Variants in SYAP1 observed in about 807,000 individuals in gnomAD.
The protein encoded by SYAP1 is synapse-associated protein 1.
In SYAP1, 3 loss-of-function variants were observed where a neutral mutation model predicts 29.6. The observed-to-expected ratio is 0.10, with a 90% confidence interval of 0.05 to 0.26. The LOEUF (loss-of-function observed/expected upper bound fraction) is 0.26, where lower values mean the gene tolerates loss of function less well. SYAP1 is among the 10% of genes least tolerant of loss of function. SYAP1 has a pLI of 1.00. For synonymous variants in SYAP1, 102 were observed against 102.7 expected (o/e 0.99, Z 0.04); for missense variants, 217 against 264.1 (o/e 0.82, Z 1.24).
intron 2 of SYAP1, 149 bp from the exon 3 acceptor site, chrX:16,736,017 A>T: frequency 2.2e-6 from 1 of 447,137 alleles, no homozygotes; most frequent in South Asian, 3.5e-5. Context: ...CATTAGGAAC[A>T]ACCCTTTTAA....
Position 16,763,368 on chromosome X carries a change from T to A in SYAP1, c.*3009T>A, listed in dbSNP as rs1927024833. ...TTCTTTTTTTGTTTGTTTTTTTTTCTTGGAGACAGAATCTTGCTCTGTCAC... is the reference window on the plus strand; with the variant it reads ...TTCTTTTTTTGTTTGTTTTTTTTTCATGGAGACAGAATCTTGCTCTGTCAC... On this transcript the variant is annotated 3_prime_UTR_variant, in exon 9 of 9. Transcript: ENST00000380155. The A allele has an allele frequency of 1.8e-5, 2 of 109,162 alleles. No individual in the cohort carries two copies. The highest frequency in any genetic ancestry group is 8.0e-4 in the South Asian group (2 of 2,497). 9.0% of individuals were successfully genotyped at this position (109,162 alleles called of 1,213,427 possible). A position where few individuals can be genotyped will look rare whatever the true frequency, so the allele number is the denominator to read the frequency against.
At chrX:16,735,623 T>G (rs774499752) in intron 2 of SYAP1, among the ~76,000 whole-genome samples, 108 of 111,619 alleles carry the variant, frequency 9.7e-4, no homozygotes, top group African/African-American at 3.4e-3. Context: ...TGGTTGTTTG[T>G]TTGTTTGTTT....
intron 1 of SYAP1, among the ~76,000 whole-genome samples, chrX:16,722,850 G>A (rs1234416658): frequency 2.7e-5 from 3 of 112,345 alleles, no homozygotes; most frequent in South Asian, 3.6e-4. Context: ...GCCCCATGCC[G>A]TTAAGTTGGT....
chrX:16,736,308 G>A (rs1926327753), intron 3 of SYAP1, 76 bp downstream of exon 3: 1 of 683,052 alleles, frequency 1.5e-6, no homozygotes, highest in African/African-American at 2.2e-5. Context: ...CCACACTGAG[G>A]GTCTGAGAAC....
At chrX:16,728,988 G>A (rs926325783) in intron 1 of SYAP1, among the ~76,000 whole-genome samples, 2 of 103,874 alleles carry the variant, frequency 1.9e-5, no homozygotes, top group African/African-American at 3.6e-5. Context: ...GCAGTGAGCC[G>A]AGATCACACC....
intron 3 of SYAP1, among the ~76,000 whole-genome samples, chrX:16,736,673 TTGTGTG>T (rs1304822614): frequency 9.0e-6 from 1 of 111,588 alleles, no homozygotes; most frequent in African/African-American, 3.3e-5. Context: ...CCAGCTATTT[TTGTGTG>T]TGTGTATTTT....
At chrX:16,730,050 C>T (rs771472244) in intron 1 of SYAP1, among the ~76,000 whole-genome samples, 1 of 111,849 alleles carries the variant, frequency 8.9e-6, no homozygotes, top group South Asian at 3.7e-4. Flanking sequence ...GCATATTTTA[C>T]TTTTCCATGT....
chrX:16,736,296 TA>T, intron 3 of SYAP1, 64 bp downstream of exon 3: 5 of 753,763 alleles, frequency 6.6e-6, no homozygotes, highest in Non-Finnish European at 1.0e-5. Flanking sequence ...ATGTGCTAGA[TA>T]CCACACTGAG....
At chrX:16,742,920 A>ATTTT (rs761130108) in intron 4 of SYAP1, among the ~76,000 whole-genome samples, 24 of 62,958 alleles carry the variant, frequency 3.8e-4, no homozygotes, top group South Asian at 7.7e-4. Flanking sequence ...GTCCGCTTCT[A>ATTTT]TTTTTTTTTT....
chrX:16,750,542 G>A (rs183685829), intron 5 of SYAP1, among the ~76,000 whole-genome samples: 1 of 111,154 alleles, frequency 9.0e-6, no homozygotes, highest in African/African-American at 3.3e-5. Context: ...AATGTTGGTG[G>A]CATTAATAAA....
intron 1 of SYAP1, among the ~76,000 whole-genome samples, chrX:16,729,890 A>G (rs1926170921): frequency 8.9e-6 from 1 of 111,755 alleles, no homozygotes; most frequent in African/African-American, 3.2e-5. Context: ...ATCTTCCACA[A>G]CTTGCTTAAA....
chrX:16,754,468 G>A (rs1295897564), intron 5 of SYAP1, among the ~76,000 whole-genome samples: 12 of 111,762 alleles, frequency 1.1e-4, no homozygotes, highest in African/African-American at 3.9e-4. Flanking sequence ...GGTGGCTCAC[G>A]CCTGTAATCC....
At chrX:16,739,703 T>C (rs1365311180) in intron 3 of SYAP1, among the ~76,000 whole-genome samples, 1 of 111,251 alleles carries the variant, frequency 9.0e-6, no homozygotes, top group African/African-American at 3.3e-5. Flanking sequence ...TCCTCCTTAT[T>C]GTTTGCTTTG....
chrX:16,739,465 ACT>A (rs1214604346), intron 3 of SYAP1, among the ~76,000 whole-genome samples: 2 of 79,014 alleles, frequency 2.5e-5, no homozygotes. Flanking sequence ...TTTTCAAATC[ACT>A]CTCTCTCTCT....
chrX:16,743,930 T>G, intron 5 of SYAP1, 90 bp downstream of exon 5: 2 of 1,026,809 alleles, frequency 1.9e-6, no homozygotes, highest in Non-Finnish European at 2.6e-6. Flanking sequence ...AAAGGGTCTC[T>G]ATCTGTTCAT....
intron 5 of SYAP1, among the ~76,000 whole-genome samples, chrX:16,747,392 G>A (rs1156377058): frequency 3.6e-5 from 4 of 111,976 alleles, no homozygotes; most frequent in African/African-American, 1.3e-4. Context: ...CAAGCTCCGG[G>A]GTGCAGATGC....
chrX:16,743,963 T>C, intron 5 of SYAP1, 123 bp downstream of exon 5: 1 of 793,735 alleles, frequency 1.3e-6, no homozygotes, highest in Non-Finnish European at 1.8e-6. Context: ...CGCAGCCCTT[T>C]GGCAGCTCCC....
intron 4 of SYAP1, among the ~76,000 whole-genome samples, chrX:16,742,978 G>T (rs1445139441): frequency 1.1e-5 from 1 of 95,200 alleles, no homozygotes; most frequent in African/African-American, 4.1e-5. Flanking sequence ...GGTCAACATA[G>T]CAAGACTGTC....
chrX:16,740,011 G>A (rs1000773417), intron 3 of SYAP1, among the ~76,000 whole-genome samples: 1 of 111,073 alleles, frequency 9.0e-6, no homozygotes, highest in Admixed American at 9.7e-5. Flanking sequence ...TAGCTGCTCC[G>A]TGCTGCTTAC....
Sources: allele counts gnomAD v4.1 joint callset (sites outside exome capture counted in the v4.1 genomes callset), GRCh38; gene constraint gnomAD v4.1.1; transcripts MANE v1.5; gene names NCBI Gene and HGNC (gene_info 2026-07-23, HGNC 2026-07-21).